MEIKIN: variants seen among roughly 807,000 people sequenced by gnomAD.
MEIKIN encodes the protein meiotic kinetochore factor.
At chr5:131,909,213 AAC>A (rs1751294828) in intron 8 of MEIKIN, among the ~76,000 whole-genome samples, 1 of 152,192 alleles carries the variant, frequency 6.6e-6, no homozygotes, top group Admixed American at 6.5e-5. Flanking sequence ...TGGCATAAAA[AAC>A]AGACACATAG....
intron 11 of MEIKIN, among the ~76,000 whole-genome samples, chr5:131,820,533 G>A (rs1249489001): frequency 2.0e-5 from 3 of 152,184 alleles, no homozygotes; most frequent in Middle Eastern, 3.4e-3. Flanking sequence ...GGTAATTCTG[G>A]CCTCACAGAA....
intron 4 of MEIKIN, 132 bp downstream of exon 4, chr5:131,942,503 A>C: frequency 2.6e-6 from 1 of 387,374 alleles, no homozygotes; most frequent in Non-Finnish European, 4.6e-6. Context: ...TAGCACAGTC[A>C]GAAGGATTCA....
chr5:131,837,362 C>T (rs1453184813), intron 11 of MEIKIN, among the ~76,000 whole-genome samples: 4 of 152,016 alleles, frequency 2.6e-5, no homozygotes, highest in African/African-American at 4.8e-5. Context: ...TGTTTTCATA[C>T]GTATTTTAAA....
intron 12 of MEIKIN, among the ~76,000 whole-genome samples, chr5:131,813,870 T>C (rs1773050977): frequency 6.6e-6 from 1 of 152,096 alleles, no homozygotes; most frequent in Non-Finnish European, 1.5e-5. Context: ...TTAAGGAGTA[T>C]TAACTCACAT....
chr5:131,815,637 C>T (rs1038380945), intron 12 of MEIKIN, among the ~76,000 whole-genome samples: 5 of 152,164 alleles, frequency 3.3e-5, no homozygotes, highest in Non-Finnish European at 7.3e-5. Context: ...GCGACTGATC[C>T]GGACTACCAA....
chr5:131,911,926 T>C, intron 7 of MEIKIN, 47 bp from the exon 8 acceptor site: 1 of 397,038 alleles, frequency 2.5e-6, no homozygotes, highest in Non-Finnish European at 4.5e-6. Context: ...AATCCTTCAG[T>C]AACTTTCAAA....
At chr5:131,890,482 A>G (rs1481301319) in intron 8 of MEIKIN, among the ~76,000 whole-genome samples, 1 of 152,200 alleles carries the variant, frequency 6.6e-6, no homozygotes, top group South Asian at 2.1e-4. Flanking sequence ...CATTTCTTCT[A>G]GATTTTCTAG....
chr5:131,845,361 C>T (rs984898307), intron 11 of MEIKIN, among the ~76,000 whole-genome samples: 1 of 136,658 alleles, frequency 7.3e-6, no homozygotes, highest in African/African-American at 2.7e-5. Context: ...TTATTATATT[C>T]AAACATCCAG....
At chr5:131,871,743 C>T (rs537531241) in intron 9 of MEIKIN, among the ~76,000 whole-genome samples, 10 of 152,268 alleles carry the variant, frequency 6.6e-5, no homozygotes, top group African/African-American at 2.2e-4. Context: ...CTGGGAGGCA[C>T]CCCCCAGTAG....
chr5:131,881,409 A>G (rs541700492), intron 8 of MEIKIN, among the ~76,000 whole-genome samples: 2 of 151,974 alleles, frequency 1.3e-5, no homozygotes, highest in Non-Finnish European at 2.9e-5. Flanking sequence ...TTTTTGCCGG[A>G]TATTTCTCCC....
At chr5:131,871,702 C>T (rs558297684) in intron 9 of MEIKIN, among the ~76,000 whole-genome samples, 1 of 152,210 alleles carries the variant, frequency 6.6e-6, no homozygotes, top group Non-Finnish European at 1.5e-5. Flanking sequence ...ACTGCCTCCT[C>T]AAGTGGGTCC....
chr5:131,822,775 T>G (rs1749537459), intron 11 of MEIKIN, among the ~76,000 whole-genome samples: 1 of 152,166 alleles, frequency 6.6e-6, no homozygotes, highest in Non-Finnish European at 1.5e-5. Flanking sequence ...ACCAGTGAGT[T>G]TTCTACCTTT....
intron 8 of MEIKIN, among the ~76,000 whole-genome samples, chr5:131,895,302 G>A (rs1751017904): frequency 6.6e-6 from 1 of 152,172 alleles, no homozygotes; most frequent in South Asian, 2.1e-4. Flanking sequence ...GTATTTTACT[G>A]AGGATTTTCA....
At chr5:131,828,400 C>T (rs993876357) in intron 11 of MEIKIN, among the ~76,000 whole-genome samples, 4 of 152,030 alleles carry the variant, frequency 2.6e-5, no homozygotes, top group African/African-American at 7.2e-5. Context: ...TGAGCTCAAG[C>T]GATTTGCCTG....
intron 8 of MEIKIN, among the ~76,000 whole-genome samples, chr5:131,893,490 A>T (rs1750976083): frequency 6.6e-6 from 1 of 152,026 alleles, no homozygotes; most frequent in Non-Finnish European, 1.5e-5. Context: ...GCCATCTGTC[A>T]CCCCTTTCTT....
intron 11 of MEIKIN, among the ~76,000 whole-genome samples, chr5:131,849,241 G>A (rs1750069047): frequency 6.6e-6 from 1 of 151,890 alleles, no homozygotes; most frequent in Non-Finnish European, 1.5e-5. Context: ...TCTAGTGGGG[G>A]AGTTATTGTG....
At chr5:131,827,837 C>T (rs1749640978) in intron 11 of MEIKIN, among the ~76,000 whole-genome samples, 1 of 152,082 alleles carries the variant, frequency 6.6e-6, no homozygotes, top group Admixed American at 6.5e-5. Flanking sequence ...ACACACGCAA[C>T]ATATAATAAA....
chr5:131,886,391 A>G (rs1023537371), intron 8 of MEIKIN, among the ~76,000 whole-genome samples: 5 of 152,210 alleles, frequency 3.3e-5, no homozygotes, highest in Non-Finnish European at 7.3e-5. Context: ...GTTCAAGGAT[A>G]AAGAAAAGAT....
chr5:131,927,443 G>A (rs922958684), intron 5 of MEIKIN, among the ~76,000 whole-genome samples: 1 of 152,180 alleles, frequency 6.6e-6, no homozygotes, highest in Non-Finnish European at 1.5e-5. Flanking sequence ...TTCTGCCACT[G>A]TCAGGTAGAA....
Sources: allele counts gnomAD v4.1 joint callset (sites outside exome capture counted in the v4.1 genomes callset), GRCh38; gene constraint gnomAD v4.1.1; transcripts MANE v1.5; gene names NCBI Gene and HGNC (gene_info 2026-07-23, HGNC 2026-07-21).